The following NR2F1-AS1 variants were observed in gnomAD, a reference collection of about 807,000 sequenced individuals.
NR2F1-AS1 encodes NR2F1 antisense RNA 1.
intron 1 of NR2F1-AS1, among the ~76,000 whole-genome samples, chr5:93,564,340 T>C (rs1470939080): frequency 6.6e-6 from 1 of 152,022 alleles, no homozygotes; most frequent in Admixed American, 6.6e-5. Context: ...CAATAAAATA[T>C]ATAACTCCAA....
intron 4 of NR2F1-AS1, among the ~76,000 whole-genome samples, chr5:93,433,711 T>C (rs1253965511): frequency 1.3e-5 from 2 of 152,236 alleles, no homozygotes; most frequent in Non-Finnish European, 2.9e-5. Flanking sequence ...TGCTTCCTTG[T>C]CTATTCTGAA....
intron 1 of NR2F1-AS1, among the ~76,000 whole-genome samples, chr5:93,565,966 A>G (rs1041122685): frequency 6.6e-6 from 1 of 151,950 alleles, no homozygotes; most frequent in African/African-American, 2.4e-5. Flanking sequence ...AGACATACTT[A>G]ACAATCTGTA....
chr5:93,481,391 A>G (rs1750596469), intron 4 of NR2F1-AS1, among the ~76,000 whole-genome samples: 1 of 152,118 alleles, frequency 6.6e-6, no homozygotes, highest in Admixed American at 6.5e-5. Flanking sequence ...GACAAAACTG[A>G]AGAGAGAAAA....
intron 4 of NR2F1-AS1, among the ~76,000 whole-genome samples, chr5:93,414,717 G>A (rs1381656243): frequency 6.6e-6 from 1 of 152,194 alleles, no homozygotes; most frequent in African/African-American, 2.4e-5. Flanking sequence ...ACCATGGGCT[G>A]TTACTTGCCT....
rs918768996 is a variant in NR2F1-AS1 at position 93,579,692 on chromosome 5, CTTG to C, written n.313+772_313+774del. On this transcript the variant is annotated intron_variant and non_coding_transcript_variant, in intron 1 of 5. Transcript: ENST00000660523. This position sits in a 1 kb window ranked among gnomAD's most constrained non-coding sequence, Gnocchi z 5.1. The stretch of plus-strand genomic sequence containing the variant: ...CCTGCCCCGCACGGAGGAAAGCGCT[CTTG>C]TTGGTTTTAATTGAGCCTCTTCCTT... Among the ~76,000 whole-genome samples, 3 of 151,630 alleles carry C rather than the reference CTTG, an allele frequency of 2.0e-5. No homozygotes were observed. The highest frequency in any genetic ancestry group is 6.6e-5 in the Admixed American group (1 of 15,262).
chr5:93,573,134 G>A (rs992505950), intron 1 of NR2F1-AS1, among the ~76,000 whole-genome samples: 5 of 152,242 alleles, frequency 3.3e-5, no homozygotes, highest in African/African-American at 1.2e-4. Flanking sequence ...TTTTTGCGCA[G>A]AGAAGTAGTC....
At position 93,565,807 on chromosome 5, in the gene NR2F1-AS1, G is replaced by GA. The variant is rs987824611; in HGVS notation, n.314-2345dup. On this transcript the variant is annotated intron_variant and non_coding_transcript_variant, in intron 1 of 5. Transcript: ENST00000660523. Reference sequence around the variant, plus strand: ...AATATCACTGTGTCCCCCAACATAAGAAAAAAAAAGCGTAATGTGCTAAAA... The same window carrying GA: ...AATATCACTGTGTCCCCCAACATAAGAAAAAAAAAAGCGTAATGTGCTAAAA... Among the ~76,000 whole-genome samples the GA allele has an allele frequency of 6.8e-5, 10 of 147,436 alleles. No homozygotes were observed. In the South Asian group the frequency reaches 1.5e-3, roughly 22 times the overall value.
intron 4 of NR2F1-AS1, among the ~76,000 whole-genome samples, chr5:93,428,475 C>T (rs887090841): frequency 2.0e-5 from 3 of 152,152 alleles, no homozygotes; most frequent in African/African-American, 7.2e-5. Context: ...ACTATTTTCA[C>T]TTGTAATGTG....
chr5:93,491,505 C>A (rs545180789), intron 4 of NR2F1-AS1, among the ~76,000 whole-genome samples: 23 of 151,936 alleles, frequency 1.5e-4, no homozygotes, highest in Non-Finnish European at 2.6e-4. Context: ...CTTTACTGGG[C>A]TAAGGGATTC....
chr5:93,451,093 C>A (rs1273525659), intron 4 of NR2F1-AS1, among the ~76,000 whole-genome samples: 1 of 151,950 alleles, frequency 6.6e-6, no homozygotes, highest in Non-Finnish European at 1.5e-5. Flanking sequence ...AATTTACTAT[C>A]ATCCACCTGC....
chr5:93,495,923 A>G (rs2149882894), intron 4 of NR2F1-AS1: 1 of 152,202 alleles, frequency 6.6e-6, no homozygotes, highest in Non-Finnish European at 1.5e-5. Flanking sequence ...GATACTACAA[A>G]CTAAGTAGAA....
At chr5:93,423,697 A>T (rs1478671984) in intron 4 of NR2F1-AS1, among the ~76,000 whole-genome samples, 1 of 152,210 alleles carries the variant, frequency 6.6e-6, no homozygotes, top group East Asian at 1.9e-4. Flanking sequence ...TTTCAAATAC[A>T]AAACAGTTCT....
chr5:93,515,416 A>G (rs191105720), intron 4 of NR2F1-AS1, among the ~76,000 whole-genome samples: 142 of 152,024 alleles, frequency 9.3e-4, no homozygotes, highest in Admixed American at 8.9e-3. Flanking sequence ...TCAAATATGT[A>G]CCATCATTAC....
rs60895927 is a variant in NR2F1-AS1, at chr5:93,450,914, CAAAAAAAAAA to C, written n.639-55382_639-55373del. On this transcript the variant is annotated intron_variant and non_coding_transcript_variant, in intron 4 of 5. Transcript: ENST00000660523. ...TGGGCAACACAGCAAGAATCTGCTT[CAAAAAAAAAA>C]AAAAAAAAAAAAAAACAGAGAGAGA... Among the ~76,000 whole-genome samples the C allele has an allele frequency of 7.0e-4, 38 of 54,048 alleles. No homozygotes were observed. In the South Asian group the frequency reaches 7.9e-3, roughly 11 times the overall value. 35.5% of individuals were successfully genotyped at this position (54,048 alleles called of 152,430 possible). A position where few individuals can be genotyped will look rare whatever the true frequency, so the allele number is the denominator to read the frequency against.
intron 4 of NR2F1-AS1, among the ~76,000 whole-genome samples, chr5:93,486,769 C>G (rs564262104): frequency 6.6e-6 from 1 of 152,254 alleles, no homozygotes; most frequent in South Asian, 2.1e-4. Flanking sequence ...ATCCTGATAC[C>G]AAAACCTGGC....
chr5:93,565,819 G>A (rs1325468206), intron 1 of NR2F1-AS1, among the ~76,000 whole-genome samples: 2 of 151,474 alleles, frequency 1.3e-5, no homozygotes, highest in East Asian at 3.9e-4. Context: ...AAAAAAAAGC[G>A]TAATGTGCTA....
intron 4 of NR2F1-AS1, among the ~76,000 whole-genome samples, chr5:93,460,068 C>T (rs1214821163): frequency 2.0e-5 from 3 of 151,996 alleles, no homozygotes; most frequent in Non-Finnish European, 4.4e-5. Context: ...TTTGCAATAC[C>T]TGGCATGGAA....
rs569257245 is a variant in NR2F1-AS1 at position 93,568,740 on chromosome 5, G to A, written n.314-5277C>T. 2.0e-5 allele frequency among the ~76,000 whole-genome samples: 3 copies of A among 152,168 alleles called. No homozygotes were observed. In the South Asian group the frequency reaches 6.2e-4, roughly 32 times the overall value. The stretch of plus-strand genomic sequence containing the variant: ...CTGATGCATTTTTAATTCAATGCAT[G>A]GATCTAGTATTTATTGATTTAATAA... On this transcript the variant is annotated intron_variant and non_coding_transcript_variant, in intron 1 of 5. Coordinates refer to ENST00000660523, the Ensembl canonical transcript of NR2F1-AS1.
chr5:93,524,979 A>G (rs1278447668), intron 4 of NR2F1-AS1, among the ~76,000 whole-genome samples: 1 of 152,222 alleles, frequency 6.6e-6, no homozygotes, highest in African/African-American at 2.4e-5. Context: ...CTAGCATCAT[A>G]ACGACAGGAT....
Sources: gnomAD v4.1 joint callset for allele counts (sites outside exome capture counted in the v4.1 genomes callset) on GRCh38, gnomAD v4.1.1 for gene constraint, Gnocchi (gnomAD v3.1) non-coding constraint, MANE v1.5 for transcripts, NCBI Gene and HGNC (gene_info 2026-07-23, HGNC 2026-07-21) for gene names.